The following HTR1F variants were observed in gnomAD, a reference collection of about 807,000 sequenced individuals.
The protein encoded by HTR1F is 5-hydroxytryptamine (serotonin) receptor 1F, G protein-coupled.
A neutral mutation model predicts 24.0 loss-of-function variants in HTR1F; 17 were observed. That is an observed-to-expected ratio of 0.71 (90% CI 0.48 to 1.06). The LOEUF (loss-of-function observed/expected upper bound fraction) is 1.06. Ranked by LOEUF, HTR1F falls within the 50% of genes least tolerant of loss-of-function variation. The probability of loss-of-function intolerance (pLI) is 0.00; values close to 1 mark genes in which losing one functional copy is unlikely to be tolerated. For missense variants in HTR1F, 391 were observed against 427.8 expected (o/e 0.91, Z 0.76); for synonymous variants, 186 against 156.8 (o/e 1.19, Z -1.39).
intron 1 of HTR1F, among the ~76,000 whole-genome samples, chr3:87,815,691 T>G (rs1430313161): frequency 6.6e-6 from 1 of 152,110 alleles, no homozygotes; most frequent in Non-Finnish European, 1.5e-5. Flanking sequence ...CTGCAGTTAT[T>G]TGACATTAGC....
rs571661988 is a variant in HTR1F at position 87,992,118 on chromosome 3, A to T, written c.*268A>T. 9.0e-6 allele frequency: 2 copies of T among 221,302 alleles called. No homozygotes were observed. The highest frequency in any genetic ancestry group is 1.9e-5 in the Non-Finnish European group (2 of 103,966). 13.7% of individuals were successfully genotyped at this position (221,302 alleles called of 1,614,324 possible). On this transcript the variant is annotated 3_prime_UTR_variant, in exon 3 of 3. Coordinates refer to ENST00000319595, the MANE Select transcript of HTR1F (RefSeq NM_001322209.2). ...TGTTCCTAAAAAGCTAACTGGAAAAAATATATATATATACAATAGTAATGA... is the reference window on the plus strand; with the variant it reads ...TGTTCCTAAAAAGCTAACTGGAAAATATATATATATATACAATAGTAATGA...
chr3:87,881,592 A>G (rs1157959429), intron 2 of HTR1F, among the ~76,000 whole-genome samples: 1 of 152,220 alleles, frequency 6.6e-6, no homozygotes, highest in Non-Finnish European at 1.5e-5. Context: ...CAAACCTGAG[A>G]AAAACAAGCA....
intron 2 of HTR1F, among the ~76,000 whole-genome samples, chr3:87,940,227 G>C (rs1414985588): frequency 6.6e-6 from 1 of 152,160 alleles, no homozygotes; most frequent in African/African-American, 2.4e-5. Flanking sequence ...TGATCTGCGA[G>C]ACTGTTTGTT....
At chr3:87,973,660 G>A (rs1289160760) in intron 2 of HTR1F, among the ~76,000 whole-genome samples, 3 of 152,072 alleles carry the variant, frequency 2.0e-5, no homozygotes, top group Admixed American at 1.3e-4. Flanking sequence ...ACTCACTGCC[G>A]CCTGTCCAGT....
intron 1 of HTR1F, among the ~76,000 whole-genome samples, chr3:87,806,064 T>A: frequency 6.6e-6 from 1 of 152,138 alleles, no homozygotes; most frequent in South Asian, 2.1e-4. Flanking sequence ...GCCAGTTCCA[T>A]GCACATGACT....
chr3:87,871,627 A>C (rs1489348215), intron 2 of HTR1F, among the ~76,000 whole-genome samples: 1 of 152,074 alleles, frequency 6.6e-6, no homozygotes, highest in Non-Finnish European at 1.5e-5. Flanking sequence ...AAATGTTGAA[A>C]GTGAAAAGCA....
chr3:87,990,714 A>G lies in HTR1F; in HGVS notation c.-36A>G. 6.5e-7 allele frequency: 1 copy of G among 1,529,272 alleles called. No individual in the cohort carries two copies. The highest frequency in any genetic ancestry group is 2.3e-5 in the East Asian group (1 of 44,234). The allele number at this position is 1,529,272 out of a possible 1,614,324, so 94.7% of individuals were successfully genotyped here. ...TTCTCTTCCCTTGTTACAGGTATCCATTTTTCAGCTATATTAATCTTTTAA... is the reference window on the plus strand; with the variant it reads ...TTCTCTTCCCTTGTTACAGGTATCCGTTTTTCAGCTATATTAATCTTTTAA... On this transcript the variant is annotated 5_prime_UTR_variant, in exon 3 of 3. Transcript: ENST00000319595.
At chr3:87,937,642 G>A (rs575661125) in intron 2 of HTR1F, among the ~76,000 whole-genome samples, 1 of 151,948 alleles carries the variant, frequency 6.6e-6, no homozygotes, top group African/African-American at 2.4e-5. Context: ...AAAGAAATAG[G>A]GCCAGGCGCA....
intron 2 of HTR1F, among the ~76,000 whole-genome samples, chr3:87,962,990 T>A (rs1412072741): frequency 6.6e-6 from 1 of 152,042 alleles, no homozygotes; most frequent in East Asian, 1.9e-4. Flanking sequence ...AAATTCTTAA[T>A]AGAGCAAATA....
At chr3:87,852,049 A>T (rs1299748256) in intron 2 of HTR1F, among the ~76,000 whole-genome samples, 1 of 151,004 alleles carries the variant, frequency 6.6e-6, no homozygotes, top group African/African-American at 2.4e-5. Context: ...AGCAATAAGG[A>T]TTATTGCCAG....
intron 2 of HTR1F, among the ~76,000 whole-genome samples, chr3:87,890,234 C>T (rs1431845149): frequency 9.2e-5 from 14 of 152,152 alleles, no homozygotes. Context: ...ATATTCAGTG[C>T]ATTAACACAC....
At chr3:87,834,177 T>A (rs1704637339) in intron 2 of HTR1F, among the ~76,000 whole-genome samples, 1 of 152,178 alleles carries the variant, frequency 6.6e-6, no homozygotes, top group Non-Finnish European at 1.5e-5. Flanking sequence ...ATTCCTCTAA[T>A]CACTATACTA....
At chr3:87,815,285 A>G (rs1023030803) in intron 1 of HTR1F, among the ~76,000 whole-genome samples, 8 of 151,842 alleles carry the variant, frequency 5.3e-5, no homozygotes, top group African/African-American at 1.7e-4. Context: ...TTGTGGGTGA[A>G]TCAAATATAT....
intron 2 of HTR1F, among the ~76,000 whole-genome samples, chr3:87,984,141 C>G (rs1001614394): frequency 2.0e-5 from 3 of 152,188 alleles, no homozygotes; most frequent in Non-Finnish European, 4.4e-5. Context: ...TTTCACATGT[C>G]TGATGCATCC....
At chr3:87,972,659 G>T (rs970957636) in intron 2 of HTR1F, among the ~76,000 whole-genome samples, 1 of 151,990 alleles carries the variant, frequency 6.6e-6, no homozygotes, top group African/African-American at 2.4e-5. Context: ...CTTTTCTTGT[G>T]TTCCCAATCA....
At chr3:87,874,288 CAA>C (rs1308117874) in intron 2 of HTR1F, among the ~76,000 whole-genome samples, 1 of 151,994 alleles carries the variant, frequency 6.6e-6, no homozygotes, top group Non-Finnish European at 1.5e-5. Flanking sequence ...AATAATTCAG[CAA>C]AGTTACAGGA....
At chr3:87,883,021 T>A (rs1012140783) in intron 2 of HTR1F, among the ~76,000 whole-genome samples, 2 of 152,238 alleles carry the variant, frequency 1.3e-5, no homozygotes, top group South Asian at 2.1e-4. Context: ...GACCTCCATG[T>A]AGCCTAACTG....
chr3:87,961,550 G>T (rs148287051), intron 2 of HTR1F, among the ~76,000 whole-genome samples: 1 of 151,904 alleles, frequency 6.6e-6, no homozygotes, highest in Admixed American at 6.6e-5. Flanking sequence ...TCACTTGAAG[G>T]CTGGAGCTTG....
chr3:87,912,780 G>A (rs1703808877), intron 2 of HTR1F, among the ~76,000 whole-genome samples: 2 of 151,928 alleles, frequency 1.3e-5, no homozygotes, highest in African/African-American at 4.8e-5. Context: ...CGAGAAATAA[G>A]GCTCCACACC....
Sources: gnomAD v4.1 joint callset for allele counts (sites outside exome capture counted in the v4.1 genomes callset) on GRCh38, gnomAD v4.1.1 for gene constraint, MANE v1.5 for transcripts, NCBI Gene and HGNC (gene_info 2026-07-23, HGNC 2026-07-21) for gene names.